The following MYSM1 variants were observed in gnomAD, a reference collection of about 807,000 sequenced individuals.
The protein encoded by MYSM1 is deubiquitinase MYSM1.
In MYSM1, 51 loss-of-function variants were observed where a neutral mutation model predicts 116.0. That is an observed-to-expected ratio of 0.44 (90% confidence interval 0.35 to 0.56). The LOEUF is 0.56. Among genes scored for constraint, MYSM1 ranks in the 20% least tolerant of loss-of-function variants. The pLI is 0.00. For synonymous variants in MYSM1, 313 were observed against 315.2 expected (o/e 0.99, Z 0.07); for missense variants, 900 against 974.9 (o/e 0.92, Z 1.02).
intron 16 of MYSM1, 89 bp from the exon 17 acceptor site, chr1:58,665,720 G>C (rs1644457564): frequency 1.1e-6 from 1 of 886,910 alleles, no homozygotes; most frequent in South Asian, 1.8e-5. Flanking sequence ...ACATCTAATG[G>C]GGAAAAGCAG....
chr1:58,693,103 T>G (rs1644925603), intron 2 of MYSM1, among the ~76,000 whole-genome samples, 172 bp from the exon 3 acceptor site: 1 of 152,224 alleles, frequency 6.6e-6, no homozygotes, highest in Non-Finnish European at 1.5e-5. Flanking sequence ...CATTAATACT[T>G]TACAGAAGCA....
chr1:58,668,020 C>T (rs1644501860), intron 14 of MYSM1, 99 bp from the exon 15 acceptor site: 1 of 839,196 alleles, frequency 1.2e-6, no homozygotes, highest in East Asian at 2.4e-5. Context: ...TAAGTATAGC[C>T]ATCATGCTTT....
At chr1:58,666,996 G>T in intron 16 of MYSM1, 42 bp downstream of exon 16, 1 of 1,164,962 alleles carries the variant, frequency 8.6e-7, no homozygotes, top group Non-Finnish European at 1.2e-6. Context: ...AGCATTGAGG[G>T]GGTGTGCAAC....
chr1:58,695,354 G>T, intron 1 of MYSM1, 147 bp from the exon 2 acceptor site: 1 of 524,978 alleles, frequency 1.9e-6, no homozygotes, highest in Non-Finnish European at 3.4e-6. Flanking sequence ...TTAACATTGT[G>T]GAAATGCCTG....
At chr1:58,691,172 CA>C (rs1352824300) in intron 3 of MYSM1, among the ~76,000 whole-genome samples, 9 of 150,372 alleles carry the variant, frequency 6.0e-5, no homozygotes, top group African/African-American at 2.0e-4. Context: ...CCCAGCTACT[CA>C]GAAGGCTGAG....
Position 58,665,413 on chromosome 1 carries a change from TTTA to T in MYSM1, c.2164+83_2164+85del, listed in dbSNP as rs1644452509. 5.5e-6 allele frequency: 6 copies of T among 1,084,564 alleles called. No individual in the cohort carries two copies. In the East Asian group the frequency reaches 1.5e-4, roughly 28 times the overall value. 67.2% of individuals were successfully genotyped at this position (1,084,564 alleles called of 1,614,324 possible). A position where few individuals can be genotyped will look rare whatever the true frequency, so the allele number is the denominator to read the frequency against. On this transcript the variant is annotated intron_variant, in intron 17 of 19. Coordinates refer to ENST00000472487, the MANE Select transcript of MYSM1 (RefSeq NM_001085487.3). ...GGCACAAACTCTTGCATTAAATAATTTTAAACAGTTGCAAATCTTTTGATTTGT... is the reference window on the plus strand; with the variant it reads ...GGCACAAACTCTTGCATTAAATAATTAACAGTTGCAAATCTTTTGATTTGT...
intron 6 of MYSM1, among the ~76,000 whole-genome samples, chr1:58,687,724 C>T (rs1464210296): frequency 2.0e-5 from 3 of 152,174 alleles, no homozygotes; most frequent in Non-Finnish European, 4.4e-5. Context: ...GACATCCCGC[C>T]GGAACAAGGG....
chr1:58,667,709 A>C, intron 15 of MYSM1, 138 bp downstream of exon 15: 1 of 603,280 alleles, frequency 1.7e-6, no homozygotes, highest in Non-Finnish European at 2.9e-6. Context: ...GGAATATATA[A>C]CTTGCTACAT....
chr1:58,663,122 AT>A (rs1644418758), intron 17 of MYSM1, among the ~76,000 whole-genome samples: 1 of 152,194 alleles, frequency 6.6e-6, no homozygotes, highest in Admixed American at 6.5e-5. Flanking sequence ...TAAGCAATAA[AT>A]GTCAGAGCTG....
intron 7 of MYSM1, 42 bp downstream of exon 7, chr1:58,685,111 A>G (rs1373539652): frequency 6.8e-7 from 1 of 1,471,470 alleles, no homozygotes; most frequent in African/African-American, 1.4e-5. Context: ...AGTTTTTTCT[A>G]AATATTATCA....
In MYSM1 at chr1:58,658,958, AACACACACACACACACACACAC is replaced by A. The variant is rs57899209; in HGVS notation, c.*1017_*1038del. 1 of 137,876 alleles carries A rather than the reference AACACACACACACACACACACAC, an allele frequency of 7.3e-6. No homozygotes were observed. 8.5% of individuals were successfully genotyped at this position (137,876 alleles called of 1,614,324 possible). On this transcript the variant is annotated 3_prime_UTR_variant, in exon 20 of 20. Transcript: ENST00000472487. ...TTTTTATCATTTTAAAGGGCTGTAA[AACACACACACACACACACACAC>A]ACACACACACACACAAAGAAGAATG...
chr1:58,686,107 T>A (rs1350924779), intron 6 of MYSM1, among the ~76,000 whole-genome samples: 1 of 152,006 alleles, frequency 6.6e-6, no homozygotes, highest in Non-Finnish European at 1.5e-5. Flanking sequence ...TTATTTTTTG[T>A]AGAGATGGGG....
At chr1:58,688,153 A>C (rs940663104) in intron 6 of MYSM1, among the ~76,000 whole-genome samples, 2 of 152,078 alleles carry the variant, frequency 1.3e-5, no homozygotes, top group African/African-American at 4.8e-5. Flanking sequence ...AAGAGATAAA[A>C]ACCTCAAGAT....
rs1644320234 is a variant in MYSM1, at chr1:58,656,454, G to C, written c.*3543C>G. 6.6e-6 allele frequency: 1 copy of C among 152,178 alleles called. No homozygotes were observed. Among genetic ancestry groups the C allele is most frequent in the South Asian group, 2.1e-4 (1 of 4,838 alleles). 9.4% of individuals were successfully genotyped at this position (152,178 alleles called of 1,614,324 possible). On this transcript the variant is annotated 3_prime_UTR_variant, in exon 20 of 20. Transcript: ENST00000472487. ...AAATGGAGAGGAAAGAAAGGTAGTA[G>C]GATGTTTCCCTTTCAAGTGTGGCAC...
chr1:58,664,349 T>C (rs1018751056), intron 17 of MYSM1, among the ~76,000 whole-genome samples: 1 of 152,198 alleles, frequency 6.6e-6, no homozygotes, highest in Non-Finnish European at 1.5e-5. Flanking sequence ...TAAAAGCTAA[T>C]ACCAATATTA....
intron 14 of MYSM1, among the ~76,000 whole-genome samples, chr1:58,668,184 C>G (rs1324314740): frequency 6.6e-6 from 1 of 152,196 alleles, no homozygotes; most frequent in African/African-American, 2.4e-5. Context: ...AATGAAGATA[C>G]CATTTACTCT....
chr1:58,685,019 A>C, intron 7 of MYSM1, 134 bp downstream of exon 7: 1 of 552,574 alleles, frequency 1.8e-6, no homozygotes, highest in Non-Finnish European at 3.0e-6. Flanking sequence ...GAGGTTTTGT[A>C]TAGTACTATG....
At chr1:58,675,454 C>G (rs771011928) in intron 10 of MYSM1, 23 bp downstream of exon 10, 7 of 1,545,752 alleles carry the variant, frequency 4.5e-6, no homozygotes, top group Non-Finnish European at 6.2e-6. Context: ...GTGGAGAGAT[C>G]ACTGAGAGAG....
rs776695482 is a variant in MYSM1, at chr1:58,685,212, T to C, written c.439A>G (p.Ile147Val). ...ACTTGTAAAACAGTGCGGCTTCCAA[T>C]TAGCTTTGAAATTTTGGTCCATCTT... ...GRRWTKISKL[I>V]GSRTVLQVKS... Residue 147 changes from isoleucine to valine, a missense_variant, in exon 7 of 20, where the codon ATT becomes GTT. Transcript: ENST00000472487. 1 of 1,608,550 alleles carries C rather than the reference T, an allele frequency of 6.2e-7. No individual in the cohort carries two copies. The highest frequency in any genetic ancestry group is 8.5e-7 in the Non-Finnish European group (1 of 1,178,368).
Sources: gnomAD v4.1 joint callset for allele counts (sites outside exome capture counted in the v4.1 genomes callset) on GRCh38, gnomAD v4.1.1 for gene constraint, MANE v1.5 for transcripts, NCBI Gene and HGNC (gene_info 2026-07-23, HGNC 2026-07-21) for gene names.